The following TBC1D30 variants were observed in gnomAD, a reference collection of about 807,000 sequenced individuals.
TBC1D30 encodes TBC1 domain family member 30, also known as TBC1 domain family, member 30.
In TBC1D30, 31 loss-of-function variants were observed where a neutral mutation model predicts 63.2. The ratio of observed to expected loss-of-function variants is 0.49; its 90% confidence interval spans 0.37 to 0.66. The LOEUF is 0.66. TBC1D30 is among the 30% of genes least tolerant of loss of function. TBC1D30 has a pLI of 0.00. For missense variants in TBC1D30, 810 were observed against 953.6 expected (o/e 0.85, Z 1.98); for synonymous variants, 307 against 361.5 (o/e 0.85, Z 1.71).
At chr12:64,818,440 A>ATTT in intron 2 of TBC1D30, 6 of 812,556 alleles carry the variant, frequency 7.4e-6, no homozygotes, top group Non-Finnish European at 8.9e-6. Context: ...ACTGTAAACT[A>ATTT]TTTTTTTTTT....
intron 6 of TBC1D30, among the ~76,000 whole-genome samples, chr12:64,837,164 T>G (rs1386114552): frequency 1.3e-5 from 2 of 152,140 alleles, no homozygotes; most frequent in Non-Finnish European, 2.9e-5. Context: ...TGGCTGTGCG[T>G]ACAGAATAGT....
chr12:64,793,241 G>A (rs1433792266), intron 2 of TBC1D30, among the ~76,000 whole-genome samples: 1 of 152,124 alleles, frequency 6.6e-6, no homozygotes, highest in Non-Finnish European at 1.5e-5. Context: ...TACTCGGGAG[G>A]CTGAGGCATG....
upstream of TBC1D30, among the ~76,000 whole-genome samples, chr12:64,777,879 C>G (rs1017636534): frequency 6.6e-6 from 1 of 152,242 alleles, no homozygotes; most frequent in Non-Finnish European, 1.5e-5. Context: ...CATGCCTCAT[C>G]CTTTCAAGTT....
chr12:64,855,149 A>G (rs981505127), intron 8 of TBC1D30, among the ~76,000 whole-genome samples: 3 of 151,064 alleles, frequency 2.0e-5, no homozygotes, highest in African/African-American at 7.3e-5. Context: ...TGGTTATGCC[A>G]CTCTCTCCTG....
Position 64,875,267 on chromosome 12 carries a change from G to T in TBC1D30, c.1765G>T (p.Val589Leu). Residue 589 changes from valine to leucine, a missense_variant, in exon 12 of 12, where the codon GTA (valine) becomes TTA (leucine). By Grantham distance (32) the Val-to-Leu change is conservative. Coordinates refer to ENST00000539867, the MANE Select transcript of TBC1D30 (RefSeq NM_015279.2). Reference sequence around the variant, plus strand: ...GAGTCATCCGGGCTGTGGGGACACCGTAGGGCTGATAGATGAGCAGAACGA... The same window carrying T: ...GAGTCATCCGGGCTGTGGGGACACCTTAGGGCTGATAGATGAGCAGAACGA... ...TKSHPGCGDT[V>L]GLIDEQNEAS... is the part of the protein sequence containing the mutation. The T allele has an allele frequency of 6.5e-7, 1 of 1,536,150 alleles. No homozygotes were observed. The highest frequency in any genetic ancestry group is 1.2e-5 in the South Asian group (1 of 84,066).
intron 8 of TBC1D30, among the ~76,000 whole-genome samples, chr12:64,854,829 T>C (rs1877167935): frequency 6.6e-6 from 1 of 152,216 alleles, no homozygotes; most frequent in South Asian, 2.1e-4. Flanking sequence ...CAAGAGGAGT[T>C]AATATACCAC....
At chr12:64,813,155 C>A (rs1052151518) in intron 2 of TBC1D30, among the ~76,000 whole-genome samples, 1 of 152,026 alleles carries the variant, frequency 6.6e-6, no homozygotes, top group African/African-American at 2.4e-5. Context: ...TTTGGAAGGC[C>A]GAGATGGGCA....
intron 8 of TBC1D30, among the ~76,000 whole-genome samples, chr12:64,863,072 G>T (rs1352347899): frequency 6.6e-6 from 1 of 152,106 alleles, no homozygotes; most frequent in Non-Finnish European, 1.5e-5. Flanking sequence ...AGCTTTGTGG[G>T]ATCAAAGGAC....
rs1879047325 is a variant in TBC1D30, at chr12:64,876,004, G to C, written c.*216G>C. 6.0e-6 allele frequency: 3 copies of C among 500,070 alleles called. No homozygotes were observed. The highest frequency in any genetic ancestry group is 7.6e-5 in the Admixed American group (2 of 26,406). The allele number at this position is 500,070 out of a possible 1,614,324, so 31.0% of individuals were successfully genotyped here. ...GCTAACTGACGAAGTGGATTCTTGT[G>C]GCAAAATAAATATTGTGGTTTTATA... On this transcript the variant is annotated 3_prime_UTR_variant, in exon 12 of 12. Transcript: ENST00000539867.
Position 64,838,664 on chromosome 12 carries a change from T to C in TBC1D30, c.764-19T>C. The C allele has an allele frequency of 6.5e-7, 1 of 1,536,030 alleles. No homozygotes were observed. Among genetic ancestry groups the C allele is most frequent in the Non-Finnish European group, 8.7e-7 (1 of 1,146,694 alleles). On this transcript the variant is annotated intron_variant, in intron 6 of 11. Coordinates refer to ENST00000539867, the MANE Select transcript of TBC1D30 (RefSeq NM_015279.2). ...AATCATCAGTTCTGAAGGAATTGAA[T>C]GTGTTTGTTTTATTTCAGGTGGATA...
At chr12:64,830,050 T>G (rs527300695) in intron 3 of TBC1D30, among the ~76,000 whole-genome samples, 2 of 152,314 alleles carry the variant, frequency 1.3e-5, no homozygotes, top group East Asian at 3.9e-4. Flanking sequence ...CTTATGAGAT[T>G]ATACAGGTTA....
chr12:64,817,927 G>T (rs998686815), intron 2 of TBC1D30, among the ~76,000 whole-genome samples: 8 of 152,072 alleles, frequency 5.3e-5, no homozygotes, highest in Non-Finnish European at 4.4e-5. Flanking sequence ...GCCGGGCATG[G>T]TGGCATGCAC....
chr12:64,780,546 TG>T (rs1279586509), exon 1 of TBC1D30, among the ~76,000 whole-genome samples: 4 of 152,190 alleles, frequency 2.6e-5, no homozygotes, highest in Admixed American at 1.3e-4. Context: ...GAGAGCGCTC[TG>T]GGTAGAGGCC....
At chr12:64,869,660 C>T (rs77801283) in intron 10 of TBC1D30, among the ~76,000 whole-genome samples, 3,569 of 151,968 alleles carry the variant, frequency 0.023, 91 homozygotes, top group South Asian at 0.091. Flanking sequence ...CATTTTTGTG[C>T]TCTAGGATGA....
intron 1 of TBC1D30, among the ~76,000 whole-genome samples, chr12:64,765,808 C>T (rs369213222): frequency 5.2e-5 from 7 of 134,796 alleles, no homozygotes; most frequent in African/African-American, 8.7e-5. Flanking sequence ...CCAGCCTGGG[C>T]GACTTGACAA....
exon 1 of TBC1D30, chr12:64,759,493 T>G: frequency 2.0e-6 from 1 of 502,280 alleles, no homozygotes; most frequent in East Asian, 3.2e-5. Flanking sequence ...TGGGCGGGGC[T>G]GCGGACTGGC....
At chr12:64,870,539 A>G (rs1249018498) in intron 10 of TBC1D30, 63 bp from the exon 11 acceptor site, 12 of 1,361,174 alleles carry the variant, frequency 8.8e-6, no homozygotes, top group Admixed American at 2.0e-5. Flanking sequence ...AGTGTTATCA[A>G]TTTCCATTTA....
At chr12:64,864,531 A>G (rs1449352235) in intron 8 of TBC1D30, 137 bp from the exon 9 acceptor site, 1 of 550,550 alleles carries the variant, frequency 1.8e-6, no homozygotes, top group Admixed American at 3.3e-5. Flanking sequence ...TTGAAGTGGA[A>G]TCTCTCCACC....
chr12:64,818,974 A>G (rs1426723945), intron 2 of TBC1D30, among the ~76,000 whole-genome samples: 2 of 152,212 alleles, frequency 1.3e-5, no homozygotes, highest in Non-Finnish European at 2.9e-5. Context: ...TACCACGACA[A>G]GAAGAATACG....
Sources: gnomAD v4.1 joint callset for allele counts (sites outside exome capture counted in the v4.1 genomes callset) on GRCh38, gnomAD v4.1.1 for gene constraint, MANE v1.5 for transcripts, NCBI Gene and HGNC (gene_info 2026-07-23, HGNC 2026-07-21) for gene names.